RGS8: variants seen among roughly 807,000 people sequenced by gnomAD.
RGS8 encodes the protein regulator of G-protein signaling 8.
A neutral mutation model predicts 21.7 loss-of-function variants in RGS8; 8 were observed. That is an observed-to-expected ratio of 0.37 (90% CI 0.22 to 0.66). The LOEUF (loss-of-function observed/expected upper bound fraction) is 0.66, where lower values mean the gene tolerates loss of function less well. Among genes scored for constraint, RGS8 ranks in the 30% least tolerant of loss-of-function variants. The pLI is 0.59. For synonymous variants in RGS8, 80 were observed against 83.6 expected, an observed-to-expected ratio of 0.96 and a Z score of 0.24; for missense variants, 157 against 217.9, an observed-to-expected ratio of 0.72 and a Z score of 1.76.
At chr1:182,750,565 G>A in the RGS8 span, among the ~76,000 whole-genome samples, 1 of 152,072 alleles carries the variant, frequency 6.6e-6, no homozygotes, top group Admixed American at 6.6e-5. Context: ...GGATTATCTT[G>A]TTCTCTCACT....
upstream of RGS8, among the ~76,000 whole-genome samples, chr1:182,689,054 A>G (rs1472530208): frequency 6.6e-6 from 1 of 152,224 alleles, no homozygotes; most frequent in Admixed American, 6.5e-5. Flanking sequence ...GAAAACTAAC[A>G]TAGAGGGGCT....
chr1:182,721,456 G>A, the RGS8 span, among the ~76,000 whole-genome samples: 4 of 152,094 alleles, frequency 2.6e-5, no homozygotes, highest in African/African-American at 4.8e-5. Flanking sequence ...CTTTGTTCTC[G>A]GCAAAATTTC....
At chr1:182,709,004 C>T in the RGS8 span, among the ~76,000 whole-genome samples, 2 of 152,318 alleles carry the variant, frequency 1.3e-5, no homozygotes, top group Middle Eastern at 3.4e-3. Context: ...CTGACGAAAG[C>T]GCCTTTTCCC....
chr1:182,682,919 G>A (rs973743150), intron 1 of RGS8, among the ~76,000 whole-genome samples: 1 of 152,204 alleles, frequency 6.6e-6, no homozygotes, highest in Non-Finnish European at 1.5e-5. Context: ...TGTTCTCCAG[G>A]TCAGAGTTCA....
upstream of RGS8, among the ~76,000 whole-genome samples, chr1:182,688,476 T>A (rs1664753655): frequency 6.6e-6 from 1 of 152,222 alleles, no homozygotes; most frequent in Non-Finnish European, 1.5e-5. Flanking sequence ...AAGTGTTATA[T>A]GTGATGGCCC....
intron 3 of RGS8, among the ~76,000 whole-genome samples, chr1:182,667,227 A>G (rs1252918446): frequency 6.6e-6 from 1 of 152,248 alleles, no homozygotes; most frequent in East Asian, 1.9e-4. Flanking sequence ...TAAGTCAATG[A>G]AGGTCATTAG....
chr1:182,701,726 C>G, the RGS8 span, among the ~76,000 whole-genome samples: 1 of 152,322 alleles, frequency 6.6e-6, no homozygotes, highest in South Asian at 2.1e-4. Context: ...TTCTTAGTGG[C>G]CCAGTCAATC....
At chr1:182,737,740 A>G in the RGS8 span, among the ~76,000 whole-genome samples, 1 of 152,348 alleles carries the variant, frequency 6.6e-6, no homozygotes, top group South Asian at 2.1e-4. Flanking sequence ...ATACAAGATA[A>G]CATTCACAGA....
upstream of RGS8, among the ~76,000 whole-genome samples, chr1:182,688,953 G>A (rs1313839584): frequency 2.0e-5 from 3 of 152,130 alleles, no homozygotes; most frequent in African/African-American, 2.4e-5. Context: ...CAATGAGACC[G>A]CTGTGGGAAT....
chr1:182,707,742 T>C, the RGS8 span, among the ~76,000 whole-genome samples: 12 of 152,344 alleles, frequency 7.9e-5, no homozygotes, highest in African/African-American at 2.9e-4. Context: ...GGAGTCGCTC[T>C]GTCGCCCAGG....
the RGS8 span, chr1:182,714,216 T>G: frequency 6.6e-6 from 1 of 152,236 alleles, no homozygotes; most frequent in African/African-American, 2.4e-5. Flanking sequence ...CCAGTTACTC[T>G]TTGACAGCAC....
intron 4 of RGS8, 66 bp from the exon 6 acceptor site, chr1:182,666,099 A>G: frequency 7.1e-7 from 1 of 1,412,340 alleles, no homozygotes. Flanking sequence ...AACAACCGCT[A>G]AGATTTGCTC....
the RGS8 span, among the ~76,000 whole-genome samples, chr1:182,697,945 G>A: frequency 3.9e-3 from 586 of 152,192 alleles, 5 homozygotes; most frequent in Middle Eastern, 0.014. Context: ...CATGAGAACC[G>A]GTAGGGTTTC....
At chr1:182,732,833 G>T in the RGS8 span, among the ~76,000 whole-genome samples, 4 of 152,226 alleles carry the variant, frequency 2.6e-5, no homozygotes, top group African/African-American at 9.6e-5. Context: ...AAAGAATCAA[G>T]AGTCCTTCAC....
At chr1:182,672,841 T>C, upstream of RGS8, 4 of 1,614,190 alleles carry the variant, frequency 2.5e-6, no homozygotes, top group Non-Finnish European at 1.7e-6. Flanking sequence ...TCACACTGCC[T>C]GCTTCAGTTC....
At chr1:182,712,146 T>G in the RGS8 span, among the ~76,000 whole-genome samples, 2 of 152,240 alleles carry the variant, frequency 1.3e-5, no homozygotes, top group Non-Finnish European at 2.9e-5. Context: ...CAGATCTAAC[T>G]CTAAAGCCTC....
At chr1:182,692,190 A>G in the RGS8 span, among the ~76,000 whole-genome samples, 1 of 151,964 alleles carries the variant, frequency 6.6e-6, no homozygotes, top group Non-Finnish European at 1.5e-5. Context: ...TTTTTAGTAG[A>G]GACAGGCTTT....
chr1:182,648,650 G>A (rs375580759), intron 5 of RGS8, among the ~76,000 whole-genome samples: 11 of 152,206 alleles, frequency 7.2e-5, no homozygotes, highest in East Asian at 3.9e-4. Flanking sequence ...CAGGAGAATC[G>A]CTTGAACCCG....
At chr1:182,681,181 G>A (rs1664524214) in intron 1 of RGS8, among the ~76,000 whole-genome samples, 1 of 152,130 alleles carries the variant, frequency 6.6e-6, no homozygotes, top group Admixed American at 6.5e-5. Context: ...TGCATGGATG[G>A]GACAGGAGGG....
Sources: gnomAD v4.1 joint callset for allele counts (sites outside exome capture counted in the v4.1 genomes callset) on GRCh38, gnomAD v4.1.1 for gene constraint, MANE v1.5 for transcripts, NCBI Gene and HGNC (gene_info 2026-07-23, HGNC 2026-07-21) for gene names.